Variants in INKA2 observed in about 807,000 individuals in gnomAD.
The protein encoded by INKA2 is PAK4-inhibitor INKA2.
Under a neutral mutation model 9.8 loss-of-function variants are expected in INKA2, and 3 were observed. The ratio of observed to expected loss-of-function variants is 0.31; its 90% CI spans 0.14 to 0.79. INKA2 has a LOEUF of 0.79. Among genes scored for constraint, INKA2 ranks in the 30% least tolerant of loss-of-function variants. INKA2 has a pLI of 0.62. For synonymous variants in INKA2, 147 were observed against 143.3 expected (o/e 1.03, Z -0.18); for missense variants, 392 against 384.4 (o/e 1.02, Z -0.17).
chr1:111,741,320 A>T (rs1292903337), upstream of INKA2, among the ~76,000 whole-genome samples: 30 of 152,214 alleles, frequency 2.0e-4, no homozygotes, highest in Non-Finnish European at 1.3e-4. Context: ...TATGGGCTGA[A>T]CTTGGTCGGT....
At chr1:111,746,371 C>T (rs994161287) in intron 1 of INKA2, 7 of 152,212 alleles carry the variant, frequency 4.6e-5, no homozygotes, top group Admixed American at 2.0e-4. Flanking sequence ...ACTGAACACG[C>T]GAAGGAGTTT....
chr1:111,745,368 T>C (rs1416271710), intron 1 of INKA2: 8 of 141,476 alleles, frequency 5.7e-5, no homozygotes, highest in Middle Eastern at 3.9e-3. Context: ...TGATCACGGC[T>C]CACTGCACCC....
chr1:111,742,414 G>A (rs1450951686), upstream of INKA2, among the ~76,000 whole-genome samples: 3 of 152,104 alleles, frequency 2.0e-5, no homozygotes, highest in African/African-American at 7.2e-5. Flanking sequence ...GTGAAAACCC[G>A]TCTCTACTAA....
chr1:111,746,900 T>G (rs1663286115), intron 1 of INKA2: 1 of 152,204 alleles, frequency 6.6e-6, no homozygotes, highest in African/African-American at 2.4e-5. Flanking sequence ...CACTCCCACA[T>G]CAAGTGGCTT....
chr1:111,726,711 GCA>G lies in INKA2; in HGVS notation c.*255_*256del, dbSNP rs140925986. ...ATGCATGCCAGACAGACACACACATGCACACACACACACACACACGCACAGCT... is the reference window on the plus strand; with the variant it reads ...ATGCATGCCAGACAGACACACACATGCACACACACACACACACGCACAGCT... On this transcript the variant is annotated 3_prime_UTR_variant, in exon 2 of 2. Coordinates refer to ENST00000357260, the MANE Select transcript of INKA2 (RefSeq NM_019099.5). The G allele has an allele frequency of 0.055, 22,564 of 410,948 alleles. No individual in the cohort carries two copies. The highest frequency in any genetic ancestry group is 0.073 in the South Asian group (2,195 of 30,030). The allele number at this position is 410,948 out of a possible 1,614,324, so 25.5% of individuals were successfully genotyped here. A position where few individuals can be genotyped will look rare whatever the true frequency, so the allele number is the denominator to read the frequency against.
At chr1:111,749,176 G>C (rs36046204) in intron 1 of INKA2, among the ~76,000 whole-genome samples, 5,424 of 152,298 alleles carry the variant, frequency 0.036, 134 homozygotes, top group East Asian at 0.073. Context: ...GGGTAGAGAA[G>C]TAAGATAGCT....
intron 1 of INKA2, chr1:111,745,283 ATATATATATATTT>A (rs1201336067): frequency 4.2e-5 from 2 of 47,946 alleles, no homozygotes; most frequent in Non-Finnish European, 7.9e-5. Flanking sequence ...ATATATATAT[ATATATATATATTT>A]TTTTTTTTTT....
rs1365871984 is a variant in INKA2 at position 111,723,963 on chromosome 1, CACA to C, written c.*3002_*3004del. ...ACAATTAGTGGGATCGTCTGAAAAGCACAAGATTGCAAGTCAGTTGGAACTGAT... is the reference window on the plus strand; with the variant it reads ...ACAATTAGTGGGATCGTCTGAAAAGCAGATTGCAAGTCAGTTGGAACTGAT... On this transcript the variant is annotated 3_prime_UTR_variant, in exon 2 of 2. Coordinates refer to ENST00000357260, the MANE Select transcript of INKA2 (RefSeq NM_019099.5). 6.6e-6 allele frequency: 1 copy of C among 152,256 alleles called. No individual in the cohort carries two copies. The highest frequency in any genetic ancestry group is 6.5e-5 in the Admixed American group (1 of 15,284). The allele number at this position is 152,256 out of a possible 1,614,324, so 9.4% of individuals were successfully genotyped here.
intron 1 of INKA2, chr1:111,754,218 G>A (rs1389008778): frequency 1.3e-5 from 2 of 152,230 alleles, no homozygotes; most frequent in African/African-American, 4.8e-5. Flanking sequence ...GGATTAGGCA[G>A]ATAAAAGAGG....
At chr1:111,737,688 G>A (rs1268815749) in intron 1 of INKA2, among the ~76,000 whole-genome samples, 1 of 152,206 alleles carries the variant, frequency 6.6e-6, no homozygotes, top group African/African-American at 2.4e-5. Context: ...CATGGCGTAA[G>A]TTCAGAAGAA....
intron 1 of INKA2, among the ~76,000 whole-genome samples, chr1:111,750,922 A>G (rs1304796992): frequency 6.6e-6 from 1 of 152,214 alleles, no homozygotes; most frequent in East Asian, 1.9e-4. Flanking sequence ...CTCTACTCAC[A>G]GTAAAAGACT....
At chr1:111,752,377 G>T (rs1437206111) in intron 1 of INKA2, among the ~76,000 whole-genome samples, 1 of 152,174 alleles carries the variant, frequency 6.6e-6, no homozygotes, top group Non-Finnish European at 1.5e-5. Context: ...CTTTATACAG[G>T]AAATGAGGAT....
intron 1 of INKA2, among the ~76,000 whole-genome samples, chr1:111,734,869 C>T (rs948467472): frequency 2.0e-5 from 3 of 152,200 alleles, no homozygotes; most frequent in African/African-American, 7.2e-5. Context: ...GCACTGAACC[C>T]GTGCTTGTTA....
Position 111,726,753 on chromosome 1 carries a change from T to C in INKA2, c.*215A>G. ...CACGCACAGCTCACTCTCCAGCTAC[T>C]CTTACCTCCTCCACCAGCTAGCCCC... On this transcript the variant is annotated 3_prime_UTR_variant, in exon 2 of 2. Coordinates refer to ENST00000357260, the MANE Select transcript of INKA2 (RefSeq NM_019099.5). 1 of 602,182 alleles carries C rather than the reference T, an allele frequency of 1.7e-6. No homozygotes were observed. The allele number at this position is 602,182 out of a possible 1,614,324, so 37.3% of individuals were successfully genotyped here.
intron 1 of INKA2, among the ~76,000 whole-genome samples, chr1:111,744,718 A>G (rs1310636329): frequency 1.3e-5 from 2 of 152,006 alleles, no homozygotes; most frequent in Admixed American, 1.3e-4. Flanking sequence ...ATGTGTGCAG[A>G]CTACAGGTGT....
chr1:111,726,929 TGGCCCTTTCA>T lies in INKA2; in HGVS notation c.*29_*38del. The T allele has an allele frequency of 6.3e-7, 1 of 1,584,058 alleles. No homozygotes were observed. Among genetic ancestry groups the T allele is most frequent in the Non-Finnish European group, 8.6e-7 (1 of 1,160,468 alleles). Reference sequence around the variant, plus strand: ...TCCCCAGGGGCCCAGCACTGGGACCTGGCCCTTTCAGGCTCAGTCAACTTTCTGTCTCTAG... The same window carrying T: ...TCCCCAGGGGCCCAGCACTGGGACCTGGCTCAGTCAACTTTCTGTCTCTAG... On this transcript the variant is annotated 3_prime_UTR_variant, in exon 2 of 2. Coordinates refer to ENST00000357260, the MANE Select transcript of INKA2 (RefSeq NM_019099.5).
Position 111,727,540 on chromosome 1 carries a change from G to A in INKA2, c.322C>T (p.His108Tyr). ...AAATCCCTTCCACAGACACTCCTAT[G>A]GGATGGAAACTTGGTGCTGCTGCCA... ...SLGSSTKFPS[H>Y]RSVCGRDLAP... Residue 108 changes from histidine to tyrosine, a missense_variant, in exon 2 of 2, where the codon CAT becomes TAT. His to Tyr is a moderately conservative substitution (Grantham distance 83, BLOSUM62 2). Transcript: ENST00000357260. The A allele has an allele frequency of 6.2e-7, 1 of 1,613,970 alleles. No homozygotes were observed. Among genetic ancestry groups the A allele is most frequent in the South Asian group, 1.1e-5 (1 of 91,042 alleles).
At chr1:111,733,826 C>T (rs145524018) in intron 1 of INKA2, among the ~76,000 whole-genome samples, 8 of 152,312 alleles carry the variant, frequency 5.3e-5, no homozygotes, top group African/African-American at 1.9e-4. Context: ...CGACTGATCC[C>T]GCAGCTGTGC....
chr1:111,727,847 G>C, intron 1 of INKA2, 43 bp from the exon 2 acceptor site: 2 of 1,579,752 alleles, frequency 1.3e-6, no homozygotes, highest in Non-Finnish European at 1.7e-6. Flanking sequence ...AGCCACAGTG[G>C]GCAGCAGTGC....
Sources: allele counts gnomAD v4.1 joint callset (sites outside exome capture counted in the v4.1 genomes callset), GRCh38; gene constraint gnomAD v4.1.1; transcripts MANE v1.5; gene names NCBI Gene and HGNC (gene_info 2026-07-23, HGNC 2026-07-21).